The following SART3 variants were observed in gnomAD, a reference collection of about 807,000 sequenced individuals.
SART3 encodes the protein HIV-1 Tat-interacting protein of 110kDa.
Under a neutral mutation model 122.3 loss-of-function variants are expected in SART3, and 44 were observed. The ratio of observed to expected loss-of-function variants is 0.36; its 90% CI spans 0.28 to 0.46. The LOEUF (loss-of-function observed/expected upper bound fraction) is 0.46, where lower values mean the gene tolerates loss of function less well. SART3 is among the 20% of genes least tolerant of loss of function. The probability of loss-of-function intolerance (pLI) is 1.00; values close to 1 mark genes in which losing one functional copy is unlikely to be tolerated. For missense variants in SART3, 1,101 were observed against 1,229.0 expected (o/e 0.90, Z 1.56); for synonymous variants, 442 against 454.0 (o/e 0.97, Z 0.34).
chr12:108,552,542 C>CAAA (rs202116633), intron 1 of SART3, among the ~76,000 whole-genome samples: 64 of 130,812 alleles, frequency 4.9e-4, no homozygotes, highest in African/African-American at 1.7e-3. Flanking sequence ...CATACAAAAA[C>CAAA]AAAAAAAAAA....
chr12:108,538,277 C>T (rs2287551), intron 7 of SART3, 74 bp from the exon 8 acceptor site: 1,270,807 of 1,545,638 alleles, frequency 0.82, 527,450 homozygotes, highest in East Asian at 0.93. Flanking sequence ...ATTGCCAGCA[C>T]GACCAAGTGA....
At chr12:108,537,674 A>G in intron 8 of SART3, 79 bp from the exon 9 acceptor site, 2 of 1,011,026 alleles carry the variant, frequency 2.0e-6, no homozygotes, top group South Asian at 2.7e-5. Flanking sequence ...TACTGACTAT[A>G]AAACACTACA....
intron 1 of SART3, 112 bp downstream of exon 1, chr12:108,560,731 T>G: frequency 2.1e-6 from 2 of 936,750 alleles, no homozygotes; most frequent in Non-Finnish European, 3.1e-6. Flanking sequence ...GAAAAGCGGG[T>G]TTGCAGCCTT....
chr12:108,532,371 A>G (rs1872716567), intron 12 of SART3, 37 bp from the exon 13 acceptor site: 4 of 1,583,810 alleles, frequency 2.5e-6, no homozygotes, highest in Non-Finnish European at 3.5e-6. Flanking sequence ...CCACCAGGAC[A>G]CAAAGTGGAA....
chr12:108,536,743 C>T lies in SART3; in HGVS notation c.1352G>A (p.Arg451His), dbSNP rs779672510. The change falls in exon 10 of 19, where the codon CGT becomes CAT. Residue 451 changes from arginine (R) to histidine (H), a missense_variant. Coordinates refer to ENST00000546815, the MANE Select transcript of SART3 (RefSeq NM_014706.4). ...ELEELRAAFTRALEYLKQEVE... is the reference protein window; with the variant it reads ...ELEELRAAFTHALEYLKQEVE... Reference sequence around the variant, plus strand: ...CTCCTGCTTCAGATACTCCAAGGCACGAGTAAAGGCGGCCCTCAACTCCTC... The same window carrying T: ...CTCCTGCTTCAGATACTCCAAGGCATGAGTAAAGGCGGCCCTCAACTCCTC... The T allele has an allele frequency of 9.9e-6, 16 of 1,613,736 alleles. No individual in the cohort carries two copies. Among genetic ancestry groups the T allele is most frequent in the South Asian group, 2.2e-5 (2 of 91,086 alleles).
intron 6 of SART3, chr12:108,542,684 A>G (rs545090924): frequency 1.2e-4 from 42 of 358,342 alleles, no homozygotes; most frequent in African/African-American, 8.3e-4. Flanking sequence ...ATTAAACAAT[A>G]TATTAATTAA....
intron 13 of SART3, 116 bp from the exon 14 acceptor site, chr12:108,531,396 G>A: frequency 1.3e-6 from 1 of 780,322 alleles, no homozygotes; most frequent in Non-Finnish European, 2.2e-6. Flanking sequence ...CAAACAATAA[G>A]AAAATGTAAT....
At chr12:108,552,448 A>G (rs1236184351) in intron 1 of SART3, among the ~76,000 whole-genome samples, 3 of 144,994 alleles carry the variant, frequency 2.1e-5, no homozygotes, top group Admixed American at 7.2e-5. Context: ...GATATGGCTA[A>G]GTAGACAATC....
chr12:108,524,711 AT>A, intron 17 of SART3: 1 of 608,740 alleles, frequency 1.6e-6, no homozygotes, highest in Non-Finnish European at 2.9e-6. Context: ...GAGTGCTGCT[AT>A]GCACTGTAAC....
Position 108,543,078 on chromosome 12 carries a change from T to C in SART3, c.856A>G (p.Asn286Asp). 1 of 1,614,242 alleles carries C rather than the reference T, an allele frequency of 6.2e-7. No individual in the cohort carries two copies. Among genetic ancestry groups the C allele is most frequent in the South Asian group, 1.1e-5 (1 of 91,088 alleles). Residue 286 changes from asparagine (N) to aspartate (D), a missense_variant, in exon 6 of 19, where the codon AAC becomes GAC. Coordinates refer to ENST00000546815, the MANE Select transcript of SART3 (RefSeq NM_014706.4). ...PIPESVIQNY[N>D]KALQQLEKYK... ...TTCTCCAGCTGCTGTAGTGCTTTGT[T>C]ATAGTTCTGAATTACTGACTCTGGT... is the stretch of plus-strand genomic sequence containing the variant.
chr12:108,543,622 T>A (rs76767056), intron 5 of SART3, among the ~76,000 whole-genome samples: 2,577 of 152,310 alleles, frequency 0.017, 33 homozygotes, highest in Non-Finnish European at 0.025. Context: ...TTCACGCTGG[T>A]AGGTGAAATC....
In SART3 at chr12:108,560,855, T is replaced by C; in HGVS notation, c.300A>G (p.Arg100=). 6.3e-7 allele frequency: 1 copy of C among 1,581,680 alleles called. No homozygotes were observed. Among genetic ancestry groups the C allele is most frequent in the Non-Finnish European group, 8.6e-7 (1 of 1,157,282 alleles). ...EEEKNQLEIE[R]LEEQLSINVY... ...CCCCCGGGCCCACCTGCTCCTCCAG[T>C]CTCTCAATCTCCAGCTGGTTTTTCT... The change falls in exon 1 of 19, where the codon AGA becomes AGG. Residue 100 remains arginine, a synonymous_variant. Coordinates refer to ENST00000546815, the MANE Select transcript of SART3 (RefSeq NM_014706.4).
intron 1 of SART3, among the ~76,000 whole-genome samples, chr12:108,552,920 TCTAC>T (rs569402675): frequency 5.2e-4 from 79 of 152,284 alleles, no homozygotes; most frequent in African/African-American, 1.8e-3. Flanking sequence ...GAGTAATCAC[TCTAC>T]CTGATTGATA....
In SART3 at chr12:108,537,478, G is replaced by A. The variant is rs1328350107; in HGVS notation, c.1309+10C>T. ...TTCAGCTCTAAAGTGAAAAACATGT[G>A]CTTAAATACCTTGTTTGAAATCAAC... On this transcript the variant is annotated intron_variant, in intron 9 of 18. Coordinates refer to ENST00000546815, the MANE Select transcript of SART3 (RefSeq NM_014706.4). The A allele has an allele frequency of 6.9e-6, 11 of 1,596,288 alleles. No homozygotes were observed. Among genetic ancestry groups the A allele is most frequent in the Non-Finnish European group, 9.5e-6 (11 of 1,163,756 alleles).
chr12:108,543,231 C>T, intron 5 of SART3, 79 bp from the exon 6 acceptor site: 1 of 1,547,418 alleles, frequency 6.5e-7, no homozygotes. Flanking sequence ...CCATGAGACT[C>T]AGGTGCCACT....
chr12:108,543,457 C>A (rs1873256606), intron 5 of SART3, among the ~76,000 whole-genome samples: 1 of 152,214 alleles, frequency 6.6e-6, no homozygotes, highest in Non-Finnish European at 1.5e-5. Flanking sequence ...ATTCAGTCAT[C>A]CCACTCTACA....
chr12:108,539,065 C>T lies in SART3; in HGVS notation c.931G>A (p.Ala311Thr), dbSNP rs752809227. 3.7e-6 allele frequency: 6 copies of T among 1,614,040 alleles called. No individual in the cohort carries two copies. The South Asian group carries it at 6.6e-5, about 18-fold the overall frequency. Residue 311 changes from alanine (A) to threonine (T), a missense_variant, in exon 7 of 19, where the codon GCA becomes ACA. Transcript: ENST00000546815. ...AAATCGATATATGCTTGATATTCTG[C>T]CAGCCTTGGTGCCTCTGCCTGCAAC... Reference protein sequence around the residue: ...ALLQAEAPRLAEYQAYIDFEM... With the variant: ...ALLQAEAPRLTEYQAYIDFEM...
At chr12:108,534,853 TTA>T (rs1455639189) in intron 12 of SART3, among the ~76,000 whole-genome samples, 6 of 152,234 alleles carry the variant, frequency 3.9e-5, no homozygotes, top group Non-Finnish European at 5.9e-5. Context: ...GTCACATTCT[TTA>T]TGTTTTCCCC....
intron 12 of SART3, among the ~76,000 whole-genome samples, chr12:108,533,359 T>G (rs1223855330): frequency 6.8e-6 from 1 of 148,128 alleles, no homozygotes; most frequent in African/African-American, 2.5e-5. Flanking sequence ...TTAAAGCCCT[T>G]CTGCATACTG....
Sources: allele counts gnomAD v4.1 joint callset (sites outside exome capture counted in the v4.1 genomes callset), GRCh38; gene constraint gnomAD v4.1.1; transcripts MANE v1.5; gene names NCBI Gene and HGNC (gene_info 2026-07-23, HGNC 2026-07-21).